The following ZNF71 variants were observed in gnomAD, a reference collection of about 807,000 sequenced individuals.
ZNF71 encodes the protein zinc finger protein 71, also known as endothelial zinc finger protein induced by tumor necrosis factor alpha.
A neutral mutation model predicts 6.7 loss-of-function variants in ZNF71; 3 were observed. The observed-to-expected ratio is 0.45, with a 90% CI of 0.20 to 1.16. The LOEUF (loss-of-function observed/expected upper bound fraction) is 1.16, where lower values mean the gene tolerates loss of function less well. ZNF71 is among the 50% of genes most tolerant of loss of function. The pLI is 0.25. For missense variants in ZNF71, 688 were observed against 728.6 expected (o/e 0.94, Z 0.64); for synonymous variants, 343 against 311.1 (o/e 1.10, Z -1.08).
chr19:56,622,599 T>C lies in ZNF71; in HGVS notation c.1492T>C (p.Tyr498His). 2.5e-6 allele frequency: 4 copies of C among 1,613,680 alleles called. No individual in the cohort carries two copies. The highest frequency in any genetic ancestry group is 2.2e-5 in the East Asian group (1 of 44,858). The stretch of plus-strand genomic sequence containing the variant: ...GCGGATCCACACCGGCGAGAAGCCG[T>C]ACAGGTGCGGCCAGTGCGGGAAGTC... ...HQRIHTGEKP[Y>H]RCGQCGKSFI... Residue 498 changes from tyrosine (Y) to histidine (H), a missense_variant, in exon 4 of 4, where the codon TAC becomes CAC. Tyr to His is a moderately conservative substitution (Grantham distance 83, BLOSUM62 2). Transcript: ENST00000599599.
rs1568502190 is a variant in ZNF71, at chr19:56,596,493, A to G, written c.-53+1065A>G. The stretch of plus-strand genomic sequence containing the variant: ...GGAGGCGTAGGGGCCTGGGAGTGAC[A>G]GGGGCCGGGTGGAGGAGGGGAAAAG... On this transcript the variant is annotated intron_variant, in intron 1 of 3. Transcript: ENST00000599599. Among the ~76,000 whole-genome samples, 4 of 152,050 alleles carry G rather than the reference A, an allele frequency of 2.6e-5. No homozygotes were observed. In the South Asian group the frequency reaches 6.2e-4, roughly 24 times the overall value.
intron 1 of ZNF71, among the ~76,000 whole-genome samples, chr19:56,595,874 TG>T (rs1376946016): frequency 6.6e-5 from 10 of 150,744 alleles, no homozygotes; most frequent in African/African-American, 2.4e-4. Flanking sequence ...TGTGTGTGTG[TG>T]TGTGTGTGTG....
intron 3 of ZNF71, among the ~76,000 whole-genome samples, chr19:56,617,661 T>C (rs1188880770): frequency 2.0e-5 from 3 of 152,230 alleles, no homozygotes; most frequent in African/African-American, 7.2e-5. Flanking sequence ...GCTCTTTTGC[T>C]GACCTGACTA....
chr19:56,600,092 GTTTGTTTTTTT>G (rs2044656835), intron 1 of ZNF71, among the ~76,000 whole-genome samples: 1 of 112,944 alleles, frequency 8.9e-6, no homozygotes, highest in Non-Finnish European at 1.8e-5. Flanking sequence ...TTTTTTTGGG[GTTTGTTTTTTT>G]TTTTTTTTTT....
At chr19:56,611,867 C>T (rs1308772392) in intron 2 of ZNF71, among the ~76,000 whole-genome samples, 1 of 152,206 alleles carries the variant, frequency 6.6e-6, no homozygotes, top group Non-Finnish European at 1.5e-5. Flanking sequence ...TGTTCCAGGC[C>T]TGTCTCCCAC....
intron 2 of ZNF71, among the ~76,000 whole-genome samples, chr19:56,606,546 C>T (rs748609651): frequency 3.3e-5 from 5 of 152,216 alleles, no homozygotes; most frequent in African/African-American, 7.2e-5. Flanking sequence ...CTGGGCAGTT[C>T]GTGCCTGGCA....
intron 3 of ZNF71, among the ~76,000 whole-genome samples, chr19:56,615,889 G>T (rs979541036): frequency 4.6e-5 from 7 of 152,188 alleles, no homozygotes; most frequent in Admixed American, 4.6e-4. Context: ...ATTTATTCCT[G>T]TGTTTTATTC....
Position 56,613,801 on chromosome 19 carries a change from T to C in ZNF71, c.34-11T>C. 9.1e-7 allele frequency: 1 copy of C among 1,099,340 alleles called. No individual in the cohort carries two copies. The highest frequency in any genetic ancestry group is 1.1e-6 in the Non-Finnish European group (1 of 885,920). The allele number at this position is 1,099,340 out of a possible 1,614,324, so 68.1% of individuals were successfully genotyped here. A position where few individuals can be genotyped will look rare whatever the true frequency, so the allele number is the denominator to read the frequency against. On this transcript the variant is annotated splice_polypyrimidine_tract_variant and intron_variant, in intron 2 of 3. Coordinates refer to ENST00000599599, the MANE Select transcript of ZNF71 (RefSeq NM_001370215.1). This position sits in a 1 kb window ranked among gnomAD's most constrained non-coding sequence, Gnocchi z 4.6. ...GCCCTGCGATGAGCGGATGTGGGTTTCCTCTTACAGGAATCAGTGACGTTC... is the reference window on the plus strand; with the variant it reads ...GCCCTGCGATGAGCGGATGTGGGTTCCCTCTTACAGGAATCAGTGACGTTC...
At chr19:56,601,432 T>TCTGTCCTGTCTA (rs1447378488) in intron 1 of ZNF71, 75 bp from the exon 2 acceptor site, 1 of 421,654 alleles carries the variant, frequency 2.4e-6, no homozygotes, top group Non-Finnish European at 3.1e-6. Flanking sequence ...TGGGTGTGTG[T>TCTGTCCTGTCTA]CTGTCCTGTC....
chr19:56,612,671 G>T (rs746186748), intron 2 of ZNF71, among the ~76,000 whole-genome samples: 2 of 152,190 alleles, frequency 1.3e-5, no homozygotes, highest in Non-Finnish European at 2.9e-5. Flanking sequence ...TACATATTGG[G>T]TACAATGTAC....
chr19:56,610,693 T>C (rs2044744763), intron 2 of ZNF71: 1 of 152,254 alleles, frequency 6.6e-6, no homozygotes, highest in South Asian at 2.1e-4. Context: ...TGCCACTCCA[T>C]AGACATTGTC....
chr19:56,609,238 G>C (rs2148010801), intron 2 of ZNF71, among the ~76,000 whole-genome samples: 1 of 152,130 alleles, frequency 6.6e-6, no homozygotes, highest in South Asian at 2.1e-4. Context: ...GAAACTACTG[G>C]CATCACCTGC....
intron 2 of ZNF71, among the ~76,000 whole-genome samples, chr19:56,605,583 A>G (rs1304253917): frequency 6.6e-6 from 1 of 152,216 alleles, no homozygotes; most frequent in Non-Finnish European, 1.5e-5. Flanking sequence ...ACCCAGCAAA[A>G]TATAACTGGA....
Position 56,621,375 on chromosome 19 carries a change from G to A in ZNF71, c.268G>A (p.Ala90Thr), listed in dbSNP as rs141057574. The change falls in exon 4 of 4, where the codon GCC (alanine) becomes ACC (threonine). Residue 90 changes from alanine to threonine, a missense_variant. Physicochemically the swap from Ala to Thr is moderately conservative, Grantham distance 58 (BLOSUM62 0). Coordinates refer to ENST00000599599, the MANE Select transcript of ZNF71 (RefSeq NM_001370215.1). ...CACGGGGGGACCCACGAGGAATGGTGCCAGGGGTCCTGGCTCAGAAGGAGT... is the reference window on the plus strand; with the variant it reads ...CACGGGGGGACCCACGAGGAATGGTACCAGGGGTCCTGGCTCAGAAGGAGT... The part of the protein sequence containing the change: ...EATGGPTRNG[A>T]RGPGSEGVWE... 98 of 1,601,430 alleles carry A rather than the reference G, an allele frequency of 6.1e-5. No individual in the cohort carries two copies. Among genetic ancestry groups the A allele is most frequent in the African/African-American group, 1.1e-4 (8 of 74,708 alleles).
rs950076213 is a variant in ZNF71 at position 56,598,018 on chromosome 19, C to T, written c.-53+2590C>T. On this transcript the variant is annotated intron_variant, in intron 1 of 3. Coordinates refer to ENST00000599599, the MANE Select transcript of ZNF71 (RefSeq NM_001370215.1). This position sits in a 1 kb window ranked among gnomAD's most constrained non-coding sequence, Gnocchi z 4.2. ...GTGTGTTAGACGTTGTCCTAGATGT[C>T]GGAAATACAATCTGAAAGTGATCAT... 2.6e-4 allele frequency among the ~76,000 whole-genome samples: 40 copies of T among 152,250 alleles called. No homozygotes were observed. Among genetic ancestry groups the T allele is most frequent in the Non-Finnish European group, 4.1e-4 (28 of 68,028 alleles).
rs1161722892 is a variant in ZNF71, at chr19:56,598,122, G to A, written c.-53+2694G>A. Among the ~76,000 whole-genome samples, 1 of 152,198 alleles carries A rather than the reference G, an allele frequency of 6.6e-6. No individual in the cohort carries two copies. The highest frequency in any genetic ancestry group is 1.5e-5 in the Non-Finnish European group (1 of 68,038). ...GAAAACAACTATTTTAAAAAAGACAGTTGTCAATAGTGGTTTGTACTGCAA... is the reference window on the plus strand; with the variant it reads ...GAAAACAACTATTTTAAAAAAGACAATTGTCAATAGTGGTTTGTACTGCAA... On this transcript the variant is annotated intron_variant, in intron 1 of 3. Transcript: ENST00000599599. The surrounding 1 kb of genome is among the most constrained non-coding windows in gnomAD (Gnocchi z 4.2).
At position 56,622,732 on chromosome 19, in the gene ZNF71, C is replaced by A; in HGVS notation, c.1625C>A (p.Thr542Lys). 1 of 1,606,736 alleles carries A rather than the reference C, an allele frequency of 6.2e-7. No homozygotes were observed. The highest frequency in any genetic ancestry group is 8.5e-7 in the Non-Finnish European group (1 of 1,175,578). The change falls in exon 4 of 4, where the codon ACG becomes AAG. Residue 542 changes from threonine (T) to lysine (K), a missense_variant. By Grantham distance (78) the Thr-to-Lys change is moderately conservative (BLOSUM62 -1). Coordinates refer to ENST00000599599, the MANE Select transcript of ZNF71 (RefSeq NM_001370215.1). ...ACCTTCAGCCGCAACACGAACCTGA[C>A]GCGCCACCTGCGGATTCACACCTGA... Reference protein sequence around the residue: ...GKTFSRNTNLTRHLRIHT With the variant: ...GKTFSRNTNLKRHLRIHT
At chr19:56,619,653 C>T (rs1165484755) in intron 3 of ZNF71, among the ~76,000 whole-genome samples, 1 of 152,106 alleles carries the variant, frequency 6.6e-6, no homozygotes, top group Non-Finnish European at 1.5e-5. Flanking sequence ...GATCCAGACT[C>T]ACTTTGTGTG....
At chr19:56,609,508 A>G (rs1407763330) in intron 2 of ZNF71, among the ~76,000 whole-genome samples, 1 of 152,062 alleles carries the variant, frequency 6.6e-6, no homozygotes, top group Non-Finnish European at 1.5e-5. Context: ...TATTTTGCCT[A>G]TTCCGGACAT....
Sources: gnomAD v4.1 joint callset for allele counts (sites outside exome capture counted in the v4.1 genomes callset) on GRCh38, gnomAD v4.1.1 for gene constraint, Gnocchi (gnomAD v3.1) non-coding constraint, MANE v1.5 for transcripts, NCBI Gene and HGNC (gene_info 2026-07-23, HGNC 2026-07-21) for gene names.